The following KLHL1 variants were observed in gnomAD, a reference collection of about 807,000 sequenced individuals.
The protein encoded by KLHL1 is kelch like family member 1.
In KLHL1, 47 loss-of-function variants were observed where a neutral mutation model predicts 77.7. The ratio of observed to expected loss-of-function variants is 0.60; its 90% confidence interval spans 0.48 to 0.77. The LOEUF (loss-of-function observed/expected upper bound fraction) is 0.77. KLHL1 is among the 30% of genes least tolerant of loss of function. The pLI, the probability that KLHL1 is intolerant of heterozygous loss-of-function variation, is 0.00. For synonymous variants in KLHL1, 360 were observed against 325.2 expected (o/e 1.11, Z -1.15); for missense variants, 925 against 910.8 (o/e 1.02, Z -0.20).
At chr13:70,050,920 C>T (rs1886614722) in intron 1 of KLHL1, among the ~76,000 whole-genome samples, 1 of 151,896 alleles carries the variant, frequency 6.6e-6, no homozygotes, top group African/African-American at 2.4e-5. Context: ...TCATATTTGT[C>T]ATAGCTAATT....
At chr13:69,844,599 G>C (rs1879385887) in intron 5 of KLHL1, among the ~76,000 whole-genome samples, 1 of 151,572 alleles carries the variant, frequency 6.6e-6, no homozygotes, top group Non-Finnish European at 1.5e-5. Flanking sequence ...CCAACCACAT[G>C]TGAGTTTGGG....
intron 1 of KLHL1, among the ~76,000 whole-genome samples, chr13:69,977,231 C>A (rs914577574): frequency 3.9e-5 from 6 of 151,924 alleles, no homozygotes; most frequent in African/African-American, 1.4e-4. Flanking sequence ...CTCCCAGTTG[C>A]TACAGATATG....
At chr13:69,852,395 C>G (rs544552216) in intron 5 of KLHL1, among the ~76,000 whole-genome samples, 12 of 151,892 alleles carry the variant, frequency 7.9e-5, no homozygotes, top group Non-Finnish European at 1.6e-4. Context: ...ATCTTCAGGA[C>G]AGCAATTGAA....
At chr13:69,751,700 G>A (rs1326994063) in intron 7 of KLHL1, among the ~76,000 whole-genome samples, 2 of 152,080 alleles carry the variant, frequency 1.3e-5, no homozygotes, top group Non-Finnish European at 2.9e-5. Flanking sequence ...TATCCTAAGA[G>A]TAATGTGAAG....
At chr13:69,793,880 G>A (rs1876983135) in intron 7 of KLHL1, among the ~76,000 whole-genome samples, 1 of 152,048 alleles carries the variant, frequency 6.6e-6, no homozygotes, top group South Asian at 2.1e-4. Context: ...AAATATCTGG[G>A]AGGAAAACTT....
At chr13:69,772,610 A>C (rs903861465) in intron 7 of KLHL1, among the ~76,000 whole-genome samples, 1 of 152,172 alleles carries the variant, frequency 6.6e-6, no homozygotes, top group African/African-American at 2.4e-5. Flanking sequence ...TATTATGTTG[A>C]TCAACACTAA....
At chr13:69,936,507 C>T (rs182817490) in intron 4 of KLHL1, among the ~76,000 whole-genome samples, 44 of 149,608 alleles carry the variant, frequency 2.9e-4, no homozygotes, top group African/African-American at 1.1e-3. Flanking sequence ...GAGAATTGCC[C>T]GAACCTGGGA....
intron 1 of KLHL1, among the ~76,000 whole-genome samples, chr13:70,051,358 T>G (rs185148120): frequency 2.3e-4 from 35 of 152,136 alleles, no homozygotes; most frequent in Non-Finnish European, 4.9e-4. Flanking sequence ...CATCTATTAT[T>G]GATAATTGCC....
intron 8 of KLHL1, among the ~76,000 whole-genome samples, chr13:69,722,790 C>A (rs1244334489): frequency 6.6e-6 from 1 of 151,984 alleles, no homozygotes; most frequent in African/African-American, 2.4e-5. Flanking sequence ...AGTAGATTCA[C>A]CATATGATCC....
rs113847240 is a variant in KLHL1 at position 70,035,700 on chromosome 13, G to A, written c.498-59898C>T. Among the ~76,000 whole-genome samples the A allele has an allele frequency of 2.6e-3, 403 of 152,096 alleles. 1 individual carries two copies. Among genetic ancestry groups the A allele is most frequent in the African/African-American group, 9.2e-3 (384 of 41,532 alleles). ...AGGTAGTTTTGGTAATCTAGCAGCA[G>A]GAGCACATGTGCCTGAGTTTACTGA... On this transcript the variant is annotated intron_variant, in intron 1 of 10. Coordinates refer to ENST00000377844, the MANE Select transcript of KLHL1 (RefSeq NM_020866.3).
intron 3 of KLHL1, among the ~76,000 whole-genome samples, chr13:69,957,222 A>C (rs1883916444): frequency 6.6e-6 from 1 of 151,740 alleles, no homozygotes; most frequent in Non-Finnish European, 1.5e-5. Context: ...TCAATTTGAC[A>C]CATCTAAACT....
At position 69,832,847 on chromosome 13, in the gene KLHL1, A is replaced by G. The variant is rs139244111; in HGVS notation, c.1414+6129T>C. ...TCTTTGACAAAGGAAACAAAAACAT[A>G]GAGTGGGGAAAGGACAACCTATTCA... On this transcript the variant is annotated intron_variant, in intron 6 of 10. Transcript: ENST00000377844. Among the ~76,000 whole-genome samples, 511 of 150,508 alleles carry G rather than the reference A, an allele frequency of 3.4e-3. 2 individuals are homozygous for G. The highest frequency in any genetic ancestry group is 0.012 in the African/African-American group (471 of 39,992).
At chr13:69,990,178 C>T (rs1217567987) in intron 1 of KLHL1, among the ~76,000 whole-genome samples, 2 of 151,914 alleles carry the variant, frequency 1.3e-5, no homozygotes, top group Non-Finnish European at 2.9e-5. Context: ...CTGAAAGCAG[C>T]ACTAAAGATG....
intron 7 of KLHL1, among the ~76,000 whole-genome samples, chr13:69,755,945 G>A (rs1001775669): frequency 3.3e-5 from 5 of 152,016 alleles, no homozygotes; most frequent in East Asian, 1.9e-4. Context: ...TTTGATTCTC[G>A]CTGTGTGAAT....
chr13:69,977,208 C>T (rs1884569089), intron 1 of KLHL1, among the ~76,000 whole-genome samples: 1 of 151,900 alleles, frequency 6.6e-6, no homozygotes, highest in Non-Finnish European at 1.5e-5. Context: ...GAAAAACAGA[C>T]AACAGAAACA....
At chr13:69,986,001 T>A (rs909514335) in intron 1 of KLHL1, among the ~76,000 whole-genome samples, 4 of 150,962 alleles carry the variant, frequency 2.6e-5, no homozygotes, top group African/African-American at 9.7e-5. Context: ...TTCTTTTTTA[T>A]TGATGAATAG....
intron 1 of KLHL1, among the ~76,000 whole-genome samples, chr13:70,049,694 A>C (rs908264644): frequency 3.9e-5 from 6 of 152,200 alleles, no homozygotes; most frequent in African/African-American, 1.4e-4. Flanking sequence ...ATAAACTTAG[A>C]AGTAAAAAGA....
At chr13:69,835,957 T>A (rs1420877827) in intron 6 of KLHL1, among the ~76,000 whole-genome samples, 1 of 152,146 alleles carries the variant, frequency 6.6e-6, no homozygotes, top group Non-Finnish European at 1.5e-5. Context: ...TGGATTAGTT[T>A]GTATCAGACA....
At chr13:70,091,838 A>T (rs1887679084) in intron 1 of KLHL1, among the ~76,000 whole-genome samples, 1 of 152,160 alleles carries the variant, frequency 6.6e-6, no homozygotes, top group South Asian at 2.1e-4. Context: ...TAAAAATTAA[A>T]ACTCTTCAGT....
Sources: gnomAD v4.1 joint callset for allele counts (sites outside exome capture counted in the v4.1 genomes callset) on GRCh38, gnomAD v4.1.1 for gene constraint, MANE v1.5 for transcripts, NCBI Gene and HGNC (gene_info 2026-07-23, HGNC 2026-07-21) for gene names.